The following JMY variants were observed in gnomAD, a reference collection of about 807,000 sequenced individuals.
JMY encodes the protein junction mediating and regulatory protein, p53 cofactor.
JMY carries 46 observed loss-of-function variants against 103.3 expected under a neutral mutation model. The ratio of observed to expected loss-of-function variants is 0.45; its 90% CI spans 0.35 to 0.57. The LOEUF (loss-of-function observed/expected upper bound fraction) is 0.57. Among genes scored for constraint, JMY ranks in the 20% least tolerant of loss-of-function variants. The pLI, the probability that JMY is intolerant of heterozygous loss-of-function variation, is 0.00. For missense variants in JMY, 1,238 were observed against 1,255.2 expected, an observed-to-expected ratio of 0.99 and a Z score of 0.21; for synonymous variants, 526 against 489.3, an observed-to-expected ratio of 1.07 and a Z score of -0.99.
At chr5:79,315,733 G>C (rs1019753889) in intron 9 of JMY, among the ~76,000 whole-genome samples, 2 of 152,178 alleles carry the variant, frequency 1.3e-5, no homozygotes, top group African/African-American at 4.8e-5. Context: ...CCACCTCCCA[G>C]TTCCCAATCT....
At position 79,275,993 on chromosome 5, in the gene JMY, G is replaced by A. The variant is rs888629595; in HGVS notation, c.1033-1917G>A. Among the ~76,000 whole-genome samples the A allele has an allele frequency of 2.6e-5, 4 of 152,224 alleles. No homozygotes were observed. The South Asian group carries it at 6.2e-4, about 24-fold the overall frequency. On this transcript the variant is annotated intron_variant, in intron 1 of 10. Coordinates refer to ENST00000396137, the MANE Select transcript of JMY (RefSeq NM_152405.5). ...AGAAAGATAGTAGTGGAAACTATAG[G>A]TATGAAAAGGAATAGAAGAATTTTG...
chr5:79,300,099 C>A (rs1231589218), intron 4 of JMY, 54 bp from the exon 5 acceptor site: 1 of 1,480,334 alleles, frequency 6.8e-7, no homozygotes, highest in African/African-American at 1.4e-5. Context: ...AATACTAACT[C>A]AATTTTCTTG....
Position 79,240,362 on chromosome 5 carries a change from C to T in JMY, c.1032+2680C>T, listed in dbSNP as rs147635481. ...GTTTTGCACTATTGCCCAGGCTGGACTGTACTGGTGCAATCTCAGCTCACT... is the reference window on the plus strand; with the variant it reads ...GTTTTGCACTATTGCCCAGGCTGGATTGTACTGGTGCAATCTCAGCTCACT... On this transcript the variant is annotated intron_variant, in intron 1 of 10. Coordinates refer to ENST00000396137, the MANE Select transcript of JMY (RefSeq NM_152405.5). 4.3e-3 allele frequency among the ~76,000 whole-genome samples: 646 copies of T among 148,918 alleles called. 8 individuals are homozygous for T. Among genetic ancestry groups the T allele is most frequent in the African/African-American group, 0.015 (609 of 40,236 alleles).
At position 79,307,350 on chromosome 5, in the gene JMY, T is replaced by G. The variant is rs946516112; in HGVS notation, c.1968+889T>G. Reference sequence around the variant, plus strand: ...CTGTCTTCCATAGTGGCTGTTCCATTTTGAACTCCCACCAGCAATGAGTGA... The same window carrying G: ...CTGTCTTCCATAGTGGCTGTTCCATGTTGAACTCCCACCAGCAATGAGTGA... On this transcript the variant is annotated intron_variant, in intron 7 of 10. Coordinates refer to ENST00000396137, the MANE Select transcript of JMY (RefSeq NM_152405.5). 6.4e-4 allele frequency among the ~76,000 whole-genome samples: 98 copies of G among 152,326 alleles called. 1 individual carries two copies. The highest frequency in any genetic ancestry group is 2.3e-3 in the African/African-American group (96 of 41,584).
intron 7 of JMY, 34 bp from the exon 8 acceptor site, chr5:79,312,369 C>T (rs1454526746): frequency 1.6e-6 from 2 of 1,270,046 alleles, no homozygotes; most frequent in African/African-American, 1.5e-5. Context: ...AATTGGGACA[C>T]AGCATAATGG....
chr5:79,249,823 G>A (rs986176099), intron 1 of JMY, among the ~76,000 whole-genome samples: 6 of 152,058 alleles, frequency 3.9e-5, no homozygotes, highest in Admixed American at 3.3e-4. Flanking sequence ...GAATTGACTG[G>A]CCTTGAGTAG....
At position 79,300,992 on chromosome 5, in the gene JMY, C is replaced by T. The variant is rs747570785; in HGVS notation, c.1881+129C>T. 22 of 685,250 alleles carry T rather than the reference C, an allele frequency of 3.2e-5. 1 individual carries two copies. The Admixed American group carries it at 4.5e-4, about 14-fold the overall frequency. The allele number at this position is 685,250 out of a possible 1,614,324, so 42.4% of individuals were successfully genotyped here. A position where few individuals can be genotyped will look rare whatever the true frequency, so the allele number is the denominator to read the frequency against. On this transcript the variant is annotated intron_variant, in intron 6 of 10. Transcript: ENST00000396137. ...CACTATCTCTTATCAGTGCTCAATG[C>T]GTTTATAGTGCTCTGAGAATTGCCC...
At chr5:79,305,945 G>T (rs1336291327) in intron 6 of JMY, among the ~76,000 whole-genome samples, 3 of 152,182 alleles carry the variant, frequency 2.0e-5, no homozygotes, top group Non-Finnish European at 2.9e-5. Flanking sequence ...TGTAATCCCA[G>T]TAACTCAGGA....
chr5:79,272,765 C>T (rs1409833710), intron 1 of JMY, among the ~76,000 whole-genome samples: 2 of 152,156 alleles, frequency 1.3e-5, no homozygotes, highest in African/African-American at 4.8e-5. Context: ...TCCCGAGTAG[C>T]TGGGATTGCA....
intron 2 of JMY, among the ~76,000 whole-genome samples, chr5:79,279,984 TG>T (rs1162749257): frequency 6.6e-6 from 1 of 152,138 alleles, no homozygotes; most frequent in Non-Finnish European, 1.5e-5. Flanking sequence ...GCTGGGACTA[TG>T]GGCGCATGCC....
chr5:79,268,789 G>A (rs79288555), intron 1 of JMY, among the ~76,000 whole-genome samples: 14 of 152,260 alleles, frequency 9.2e-5, no homozygotes, highest in African/African-American at 2.6e-4. Flanking sequence ...CGCCCGGTGA[G>A]CATCTTTTCA....
intron 1 of JMY, among the ~76,000 whole-genome samples, chr5:79,249,292 G>A (rs1580328708): frequency 6.6e-6 from 1 of 152,270 alleles, no homozygotes; most frequent in Non-Finnish European, 1.5e-5. Context: ...AAAGTGCTGG[G>A]ATTACAGGTG....
At chr5:79,275,865 A>T (rs769382973) in intron 1 of JMY, among the ~76,000 whole-genome samples, 1 of 152,234 alleles carries the variant, frequency 6.6e-6, no homozygotes, top group Non-Finnish European at 1.5e-5. Context: ...CAGTGCTGCT[A>T]CATGTTGTGC....
At chr5:79,276,639 A>T (rs1009977303) in intron 1 of JMY, among the ~76,000 whole-genome samples, 3 of 150,868 alleles carry the variant, frequency 2.0e-5, no homozygotes, top group Admixed American at 6.6e-5. Context: ...GACGAGTCTC[A>T]CTCTGTCGCC....
intron 10 of JMY, among the ~76,000 whole-genome samples, chr5:79,318,174 CT>C (rs35595124): frequency 5.1e-4 from 75 of 146,008 alleles, no homozygotes; most frequent in Admixed American, 7.5e-4. Flanking sequence ...GCTCTTTTTT[CT>C]TTTTTTTTTT....
At chr5:79,265,157 C>T (rs1331789917) in intron 1 of JMY, among the ~76,000 whole-genome samples, 1 of 152,132 alleles carries the variant, frequency 6.6e-6, no homozygotes, top group African/African-American at 2.4e-5. Flanking sequence ...ATCTCCTGAC[C>T]TCGTGATCCG....
At chr5:79,245,854 A>G (rs1454242623) in intron 1 of JMY, among the ~76,000 whole-genome samples, 2 of 152,066 alleles carry the variant, frequency 1.3e-5, no homozygotes, top group Non-Finnish European at 2.9e-5. Context: ...TTGAACTCCT[A>G]AACTCAGGTA....
In JMY at chr5:79,237,530, G is replaced by C. The variant is rs1744563261; in HGVS notation, c.880G>C (p.Gly294Arg). The change falls in exon 1 of 11, where the codon GGC becomes CGC. Residue 294 changes from glycine to arginine, a missense_variant. By Grantham distance (125) the Gly-to-Arg change is moderately radical. Transcript: ENST00000396137. Reference protein sequence around the residue: ...TLCYQLQVYLGHGLDTCGWKI... With the variant: ...TLCYQLQVYLRHGLDTCGWKI... ...GTGTTACCAGCTCCAGGTCTACCTG[G>C]GCCACGGCCTGGACACCTGCGGCTG... The C allele has an allele frequency of 2.5e-6, 4 of 1,613,764 alleles. No homozygotes were observed. The highest frequency in any genetic ancestry group is 2.5e-6 in the Non-Finnish European group (3 of 1,180,008).
intron 1 of JMY, among the ~76,000 whole-genome samples, chr5:79,267,519 A>G (rs890831993): frequency 3.3e-5 from 5 of 152,220 alleles, no homozygotes; most frequent in African/African-American, 1.2e-4. Flanking sequence ...AGTTAGCAAT[A>G]TACATATAAG....
Sources: gnomAD v4.1 joint callset for allele counts (sites outside exome capture counted in the v4.1 genomes callset) on GRCh38, gnomAD v4.1.1 for gene constraint, MANE v1.5 for transcripts, NCBI Gene and HGNC (gene_info 2026-07-23, HGNC 2026-07-21) for gene names.